GBF1: variants seen among roughly 807,000 people sequenced by gnomAD.
The protein encoded by GBF1 is golgi brefeldin A resistant guanine nucleotide exchange factor 1, also known as Golgi-specific brefeldin A-resistance guanine nucleotide exchange factor 1.
In GBF1, 114 loss-of-function variants were observed where a neutral mutation model predicts 210.5. The ratio of observed to expected loss-of-function variants is 0.54; its 90% CI spans 0.47 to 0.63. The LOEUF is 0.63. Ranked by LOEUF, GBF1 falls within the 30% of genes least tolerant of loss-of-function variation. The pLI is 0.00. For missense variants in GBF1, 1,851 were observed against 2,357.7 expected (o/e 0.79, Z 4.45); for synonymous variants, 850 against 889.2 (o/e 0.96, Z 0.78).
At chr10:102,370,667 C>T in intron 28 of GBF1, 40 bp from the exon 29 acceptor site, 1 of 1,607,118 alleles carries the variant, frequency 6.2e-7, no homozygotes, top group Non-Finnish European at 8.5e-7. Flanking sequence ...CCAGTGGCCC[C>T]TCTGGCTGAG....
At position 102,375,481 on chromosome 10, in the gene GBF1, T is replaced by C. The variant is rs765908848; in HGVS notation, c.3783T>C (p.Gly1261=). 7 of 1,613,576 alleles carry C rather than the reference T, an allele frequency of 4.3e-6. No homozygotes were observed. The Admixed American group carries it at 5.0e-5, about 12-fold the overall frequency. The change falls in exon 30 of 40, where the codon GGT becomes GGC. Residue 1261 remains glycine (G), a synonymous_variant. Coordinates refer to ENST00000369983, the MANE Select transcript of GBF1 (RefSeq NM_001377137.1). ...CCAATGCAGCCAACATCCACTCAGG[T>C]GATGACTGGGCCACACTCTTCACAC... The part of the protein sequence containing the change: ...LKTNAANIHS[G]DDWATLFTLL...
intron 39 of GBF1, among the ~76,000 whole-genome samples, chr10:102,381,785 A>G (rs2060864197): frequency 7.3e-6 from 1 of 137,160 alleles, no homozygotes; most frequent in African/African-American, 2.7e-5. Flanking sequence ...AGATCATGCC[A>G]CTGCACTCCA....
intron 3 of GBF1, among the ~76,000 whole-genome samples, chr10:102,294,428 C>G (rs1325786270): frequency 2.7e-5 from 4 of 150,202 alleles, no homozygotes; most frequent in African/African-American, 4.9e-5. Flanking sequence ...GTCGCCCAGG[C>G]TGGAGTGCAG....
rs1590536221 is a variant in GBF1 at position 102,261,633 on chromosome 10, T to G, written c.163+1517T>G. 7.1e-5 allele frequency among the ~76,000 whole-genome samples: 8 copies of G among 111,894 alleles called. No homozygotes were observed. In the South Asian group the frequency reaches 1.9e-3, roughly 26 times the overall value. 73.4% of individuals were successfully genotyped at this position (111,894 alleles called of 152,430 possible). A position where few individuals can be genotyped will look rare whatever the true frequency, so the allele number is the denominator to read the frequency against. On this transcript the variant is annotated intron_variant, in intron 3 of 39. Coordinates refer to ENST00000369983, the MANE Select transcript of GBF1 (RefSeq NM_001377137.1). The stretch of plus-strand genomic sequence containing the variant: ...TTTCTTTCTTTTTTTTTTTTTTTTT[T>G]GAAACAGTGTGTCTCTCTGTTGCCT...
Position 102,381,124 on chromosome 10 carries a change from C to T in GBF1, c.5174-3C>T. On this transcript the variant is annotated splice_polypyrimidine_tract_variant and splice_region_variant and intron_variant, in intron 38 of 39. Coordinates refer to ENST00000369983, the MANE Select transcript of GBF1 (RefSeq NM_001377137.1). ...TGCCATCTCAATTCTCTACCGTCTC[C>T]AGACCCCATGCCCATGGAGCCTCAA... 1 of 1,613,820 alleles carries T rather than the reference C, an allele frequency of 6.2e-7. No homozygotes were observed. Among genetic ancestry groups the T allele is most frequent in the South Asian group, 1.1e-5 (1 of 91,058 alleles).
intron 3 of GBF1, among the ~76,000 whole-genome samples, chr10:102,315,428 T>C (rs2078842220): frequency 6.6e-6 from 1 of 152,196 alleles, no homozygotes; most frequent in Non-Finnish European, 1.5e-5. Flanking sequence ...CTTATGAGAA[T>C]GTAACTAACA....
Position 102,381,193 on chromosome 10 carries a change from G to A in GBF1, c.5240G>A (p.Gly1747Asp), listed in dbSNP as rs766921818. 1.2e-6 allele frequency: 2 copies of A among 1,613,982 alleles called. No individual in the cohort carries two copies. Among genetic ancestry groups the A allele is most frequent in the East Asian group, 4.5e-5 (2 of 44,876 alleles). ...LASAHLTSAA[G>D]DTRTPGHPPP... ...TCAGCCCACCTGACTTCCGCTGCTG[G>A]CGACACTAGGACACCTGGCCATCCA... The change falls in exon 39 of 40, where the codon GGC becomes GAC. Residue 1747 changes from glycine to aspartate, a missense_variant. Physicochemically the swap from Gly to Asp is moderately conservative, Grantham distance 94 (BLOSUM62 -1). This residue lies in a region of GBF1 where 967 missense variants were observed against 1,247.7 expected (regional missense o/e 0.78). Transcript: ENST00000369983.
At position 102,368,449 on chromosome 10, in the gene GBF1, C is replaced by T. The variant is rs146522031; in HGVS notation, c.2874C>T (p.Gly958=). The T allele has an allele frequency of 1.9e-6, 3 of 1,578,540 alleles. No homozygotes were observed. The highest frequency in any genetic ancestry group is 1.1e-5 in the South Asian group (1 of 90,478). The change falls in exon 22 of 40, where the codon GGC becomes GGT. Residue 958 remains glycine (G), a synonymous_variant. Coordinates refer to ENST00000369983, the MANE Select transcript of GBF1 (RefSeq NM_001377137.1). ...EETIIQKAIS[G]FRKCAMISAH... is the part of the protein sequence containing the mutation. ...CAATCATCCAGAAAGCCATCTCAGG[C>T]TTCAGGTAGCCCAGCTTTGGCCTTG...
intron 3 of GBF1, among the ~76,000 whole-genome samples, chr10:102,331,668 A>G (rs2057340471): frequency 6.6e-6 from 1 of 151,850 alleles, no homozygotes; most frequent in Non-Finnish European, 1.5e-5. Context: ...AACACTTTCC[A>G]AAGGGTTTGT....
rs1181558513 is a variant in GBF1 at position 102,366,424 on chromosome 10, G to A, written c.2351G>A (p.Arg784His). The change falls in exon 19 of 40, where the codon CGC becomes CAC. Residue 784 changes from arginine (R) to histidine (H), a missense_variant. Physicochemically the swap from Arg to His is conservative, Grantham distance 29 (BLOSUM62 0). Transcript: ENST00000369983. This position sits in a 1 kb window ranked among gnomAD's most constrained non-coding sequence, Gnocchi z 4.0. ...FQGLRLDEALRLYLEAFRLPG... is the reference protein window; with the variant it reads ...FQGLRLDEALHLYLEAFRLPG... ...GGTCTGCGACTGGACGAAGCCCTCC[G>A]CCTCTACCTGGAAGCCTTCCGTTTG... is the stretch of plus-strand genomic sequence containing the variant. 6.2e-7 allele frequency: 1 copy of A among 1,613,876 alleles called. No homozygotes were observed. The highest frequency in any genetic ancestry group is 8.5e-7 in the Non-Finnish European group (1 of 1,179,850).
chr10:102,307,476 G>A lies in GBF1; in HGVS notation c.164-36575G>A, dbSNP rs17707795. On this transcript the variant is annotated intron_variant, in intron 3 of 39. Coordinates refer to ENST00000369983, the MANE Select transcript of GBF1 (RefSeq NM_001377137.1). ...AAAAAAAAAGGTCCCTGTGAGAACC[G>A]GTGTAAATCAATAAGAAAAAAGCAG... Among the ~76,000 whole-genome samples, 1,452 of 150,342 alleles carry A rather than the reference G, an allele frequency of 9.7e-3. 10 individuals carry two copies. The highest frequency in any genetic ancestry group is 0.018 in the Non-Finnish European group (1,219 of 67,726).
intron 3 of GBF1, among the ~76,000 whole-genome samples, chr10:102,286,474 G>A (rs1175054201): frequency 6.6e-6 from 1 of 152,126 alleles, no homozygotes; most frequent in Non-Finnish European, 1.5e-5. Context: ...GGAGCCAAAT[G>A]GTATGTATGG....
At chr10:102,359,230 C>T (rs2059456018) in intron 10 of GBF1, 37 bp from the exon 11 acceptor site, 2 of 1,503,384 alleles carry the variant, frequency 1.3e-6, no homozygotes, top group Non-Finnish European at 1.9e-6. Context: ...GCTCTTGCCT[C>T]ATCCCTCTTC....
At chr10:102,244,914 G>T (rs2070684786), upstream of GBF1, among the ~76,000 whole-genome samples, 1 of 152,224 alleles carries the variant, frequency 6.6e-6, no homozygotes, top group Non-Finnish European at 1.5e-5. Flanking sequence ...ATTTCTGGAT[G>T]ATGGGAGTGG....
chr10:102,321,125 C>T (rs2056349348), intron 3 of GBF1, among the ~76,000 whole-genome samples: 1 of 152,094 alleles, frequency 6.6e-6, no homozygotes. Flanking sequence ...CTCTGAACAC[C>T]TTGTATTTCT....
the GBF1 span, chr10:102,231,443 A>G: frequency 3.3e-6 from 2 of 614,586 alleles, no homozygotes; most frequent in East Asian, 5.7e-5. Context: ...CGGGCAAGAG[A>G]CCGCGTGGGG....
At chr10:102,265,413 C>G (rs1190732915) in intron 3 of GBF1, among the ~76,000 whole-genome samples, 3 of 152,010 alleles carry the variant, frequency 2.0e-5, no homozygotes, top group African/African-American at 7.3e-5. Context: ...GTGCAGTGAC[C>G]CACATCTGTA....
intron 8 of GBF1, among the ~76,000 whole-genome samples, chr10:102,355,652 A>G (rs1481781239): frequency 6.6e-6 from 1 of 152,190 alleles, no homozygotes; most frequent in Non-Finnish European, 1.5e-5. Flanking sequence ...AACGTGAAAA[A>G]CTGATCCTCG....
intron 3 of GBF1, among the ~76,000 whole-genome samples, chr10:102,328,877 G>T (rs1203017310): frequency 6.6e-6 from 1 of 152,174 alleles, no homozygotes; most frequent in Admixed American, 6.6e-5. Flanking sequence ...GTTGAACAAT[G>T]AAATTTTTTA....
Sources: gnomAD v4.1 joint callset for allele counts (sites outside exome capture counted in the v4.1 genomes callset) on GRCh38, gnomAD v4.1.1 for gene constraint, gnomAD v4.1.1 regional missense constraint, Gnocchi (gnomAD v3.1) non-coding constraint, MANE v1.5 for transcripts, NCBI Gene and HGNC (gene_info 2026-07-23, HGNC 2026-07-21) for gene names.